PARD3: variants seen among roughly 807,000 people sequenced by gnomAD.
The protein encoded by PARD3 is par-3 family cell polarity regulator.
PARD3 carries 75 observed loss-of-function variants against 155.4 expected under a neutral mutation model. The observed-to-expected ratio is 0.48, with a 90% confidence interval of 0.40 to 0.58. The LOEUF (loss-of-function observed/expected upper bound fraction) is 0.58, where lower values mean the gene tolerates loss of function less well. Ranked by LOEUF, PARD3 falls within the 20% of genes least tolerant of loss-of-function variation. The pLI is 0.00. For synonymous variants in PARD3, 576 were observed against 610.5 expected, an observed-to-expected ratio of 0.94 and a Z score of 0.83; for missense variants, 1,642 against 1,721.7, an observed-to-expected ratio of 0.95 and a Z score of 0.82.
At chr10:34,666,816 T>TATATATATATATACAC (rs765552982) in intron 2 of PARD3, among the ~76,000 whole-genome samples, 4 of 88,764 alleles carry the variant, frequency 4.5e-5, no homozygotes, top group Admixed American at 1.5e-4. Flanking sequence ...TATATATATA[T>TATATATATATATACAC]ACACACACAC....
chr10:34,726,502 G>C lies in PARD3; in HGVS notation c.121-30083C>G, dbSNP rs543547471. On this transcript the variant is annotated intron_variant, in intron 1 of 24. Transcript: ENST00000374788. ...TCGGGAGGCTGAGGCAGAATCGCTC[G>C]AGCCCAGGAGGCAGAGGTTGCAGTG... Among the ~76,000 whole-genome samples, 280 of 148,842 alleles carry C rather than the reference G, an allele frequency of 1.9e-3. 2 individuals carry two copies. Among genetic ancestry groups the C allele is most frequent in the African/African-American group, 6.8e-3 (261 of 38,342 alleles).
chr10:34,123,561 G>A (rs1450640795), intron 23 of PARD3, among the ~76,000 whole-genome samples: 1 of 152,040 alleles, frequency 6.6e-6, no homozygotes, highest in African/African-American at 2.4e-5. Context: ...CAGTAGCCAG[G>A]ACTACAGGTA....
At position 34,755,660 on chromosome 10, in the gene PARD3, G is replaced by GT. The variant is rs374000078; in HGVS notation, c.120+59215_120+59216insA. On this transcript the variant is annotated intron_variant, in intron 1 of 24. Transcript: ENST00000374788. ...AGTTTTCTCATCAAATGATTTCCAA[G>GT]AACAGTCTCTCCTCAAGAATATGGA... 3.3e-3 allele frequency among the ~76,000 whole-genome samples: 504 copies of GT among 152,206 alleles called. 4 individuals carry two copies. Among genetic ancestry groups the GT allele is most frequent in the African/African-American group, 0.011 (477 of 41,522 alleles).
chr10:34,477,841 A>G (rs1223870093), intron 3 of PARD3, among the ~76,000 whole-genome samples: 1 of 152,232 alleles, frequency 6.6e-6, no homozygotes, highest in African/African-American at 2.4e-5. Flanking sequence ...CAAACAGCAA[A>G]ATTACTCTTC....
At chr10:34,389,283 T>G (rs767197479) in intron 7 of PARD3, among the ~76,000 whole-genome samples, 2 of 135,506 alleles carry the variant, frequency 1.5e-5, no homozygotes, top group Non-Finnish European at 3.1e-5. Context: ...TAGGGTACAG[T>G]AGCACAAAGC....
At chr10:34,708,755 G>C (rs1273193003) in intron 1 of PARD3, among the ~76,000 whole-genome samples, 1 of 152,096 alleles carries the variant, frequency 6.6e-6, no homozygotes, top group Non-Finnish European at 1.5e-5. Flanking sequence ...AGATTAAGGA[G>C]GAATATCCAA....
At chr10:34,427,088 C>T (rs773947) in intron 5 of PARD3, among the ~76,000 whole-genome samples, 2,053 of 152,212 alleles carry the variant, frequency 0.013, 44 homozygotes, top group African/African-American at 0.047. Context: ...GTGATGATTG[C>T]GTTAACTGCA....
chr10:34,389,963 T>G (rs1013250045), intron 7 of PARD3, among the ~76,000 whole-genome samples: 5 of 152,196 alleles, frequency 3.3e-5, no homozygotes, highest in African/African-American at 1.2e-4. Flanking sequence ...ATGATTCATG[T>G]AAGTGTAAAC....
At chr10:34,314,207 A>G (rs1242208348) in intron 20 of PARD3, among the ~76,000 whole-genome samples, 3 of 151,720 alleles carry the variant, frequency 2.0e-5, no homozygotes, top group Non-Finnish European at 2.9e-5. Context: ...AAAAAAAAAG[A>G]AGGAAACGTA....
At chr10:34,357,422 T>C (rs1839002096) in intron 14 of PARD3, among the ~76,000 whole-genome samples, 1 of 152,178 alleles carries the variant, frequency 6.6e-6, no homozygotes, top group East Asian at 1.9e-4. Flanking sequence ...TCAATAAATA[T>C]CTGTGGAATG....
At chr10:34,669,970 GTCAT>G (rs1452482503) in intron 2 of PARD3, among the ~76,000 whole-genome samples, 4 of 152,188 alleles carry the variant, frequency 2.6e-5, no homozygotes, top group African/African-American at 4.8e-5. Flanking sequence ...TAGTGAAAAG[GTCAT>G]TCAAAGTTAG....
At chr10:34,452,675 G>A (rs915490203) in intron 4 of PARD3, among the ~76,000 whole-genome samples, 2 of 151,932 alleles carry the variant, frequency 1.3e-5, no homozygotes, top group Non-Finnish European at 2.9e-5. Flanking sequence ...TATCTCTCTG[G>A]ACAAGCTCAA....
At chr10:34,752,819 G>A (rs1379807612) in intron 1 of PARD3, among the ~76,000 whole-genome samples, 3 of 152,160 alleles carry the variant, frequency 2.0e-5, no homozygotes, top group African/African-American at 7.2e-5. Context: ...CTTTGATTTG[G>A]GGTTATTATC....
chr10:34,360,351 C>T, intron 12 of PARD3, 92 bp from the exon 13 acceptor site: 1 of 831,686 alleles, frequency 1.2e-6, no homozygotes, highest in Non-Finnish European at 1.9e-6. Context: ...GTTCCTTAAT[C>T]ATAAGAGGCA....
At chr10:34,537,213 G>A (rs2083287607) in intron 2 of PARD3, among the ~76,000 whole-genome samples, 1 of 152,082 alleles carries the variant, frequency 6.6e-6, no homozygotes, top group Non-Finnish European at 1.5e-5. Flanking sequence ...GTATTGCCTA[G>A]GCTGATCTCA....
intron 5 of PARD3, among the ~76,000 whole-genome samples, chr10:34,432,337 T>TACACATACACACAC (rs2075982963): frequency 7.0e-6 from 1 of 143,456 alleles, no homozygotes; most frequent in Non-Finnish European, 1.5e-5. Context: ...CACGTGCACA[T>TACACATACACACAC]ACACACACAC....
intron 2 of PARD3, among the ~76,000 whole-genome samples, chr10:34,591,684 T>G (rs910137183): frequency 6.6e-6 from 1 of 152,152 alleles, no homozygotes; most frequent in African/African-American, 2.4e-5. Context: ...GGAAACAGAA[T>G]GCAAGGCCTT....
chr10:34,531,812 C>T (rs774807557), intron 2 of PARD3, among the ~76,000 whole-genome samples: 9 of 152,072 alleles, frequency 5.9e-5, no homozygotes, highest in Non-Finnish European at 8.8e-5. Flanking sequence ...GGTCCCTTGG[C>T]GTTATTCAAG....
intron 1 of PARD3, among the ~76,000 whole-genome samples, chr10:34,813,442 T>G (rs902876898): frequency 2.0e-5 from 3 of 152,154 alleles, no homozygotes; most frequent in African/African-American, 7.2e-5. Flanking sequence ...ATTTAGATGG[T>G]TTTCTTTCCC....
Sources: gnomAD v4.1 joint callset for allele counts (sites outside exome capture counted in the v4.1 genomes callset) on GRCh38, gnomAD v4.1.1 for gene constraint, MANE v1.5 for transcripts, NCBI Gene and HGNC (gene_info 2026-07-23, HGNC 2026-07-21) for gene names.